IL4I1: variants seen among roughly 807,000 people sequenced by gnomAD.
The protein encoded by IL4I1 is interleukin 4 induced 1.
In IL4I1, 24 loss-of-function variants were observed where a neutral mutation model predicts 29.7. The observed-to-expected ratio is 0.81, with a 90% CI of 0.59 to 1.14. The LOEUF (loss-of-function observed/expected upper bound fraction) is 1.14. IL4I1 is among the 50% of genes most tolerant of loss of function. IL4I1 has a pLI of 0.00. For missense variants in IL4I1, 686 were observed against 785.6 expected, an observed-to-expected ratio of 0.87 and a Z score of 1.52; for synonymous variants, 371 against 352.5, an observed-to-expected ratio of 1.05 and a Z score of -0.59.
intron 2 of IL4I1, among the ~76,000 whole-genome samples, chr19:49,923,086 CA>C (rs1432004306): frequency 6.6e-6 from 1 of 150,828 alleles, no homozygotes; most frequent in African/African-American, 2.4e-5. Flanking sequence ...TTTTTTTTTG[CA>C]TAAGAGCTGT....
At chr19:49,916,891 A>G (rs2075638538) in intron 2 of IL4I1, among the ~76,000 whole-genome samples, 1 of 152,238 alleles carries the variant, frequency 6.6e-6, no homozygotes, top group Admixed American at 6.5e-5. Flanking sequence ...ACCATACTTC[A>G]GCCTGGGCGG....
chr19:49,914,726 GTTTTT>G (rs530372497), intron 2 of IL4I1, among the ~76,000 whole-genome samples: 17 of 56,354 alleles, frequency 3.0e-4, no homozygotes, highest in South Asian at 8.5e-4. Flanking sequence ...CCAAGTCCCA[GTTTTT>G]TTTTTTTTTT....
rs2075188127 is a variant in IL4I1, at chr19:49,895,053, G to A, written c.365+15C>T. 4 of 1,594,924 alleles carry A rather than the reference G, an allele frequency of 2.5e-6. No individual in the cohort carries two copies. The highest frequency in any genetic ancestry group is 2.6e-6 in the Non-Finnish European group (3 of 1,163,388). ...GTTGAGTCTAGGCACACAGGTGGGT[G>A]GGTTGCTAGGTCACCTGTGAGAGCT... On this transcript the variant is annotated intron_variant, in intron 4 of 7. Coordinates refer to ENST00000391826, the MANE Select transcript of IL4I1 (RefSeq NM_152899.2).
chr19:49,913,457 C>T lies in IL4I1; in HGVS notation c.-227-9136G>A, dbSNP rs77973470. 8.3e-3 allele frequency among the ~76,000 whole-genome samples: 1,258 copies of T among 152,278 alleles called. 6 individuals are homozygous for T. The highest frequency in any genetic ancestry group is 0.011 in the Admixed American group (161 of 15,288). Reference sequence around the variant, plus strand: ...GGCTTTGGGTCATACAGTATCAGCACGACCTCTGGAGGGGCTGGAGTCAGC... The same window carrying T: ...GGCTTTGGGTCATACAGTATCAGCATGACCTCTGGAGGGGCTGGAGTCAGC... On this transcript the variant is annotated intron_variant, in intron 2 of 9. Transcript: ENST00000341114.
chr19:49,910,450 C>T (rs922698272), intron 2 of IL4I1, among the ~76,000 whole-genome samples: 6 of 152,142 alleles, frequency 3.9e-5, no homozygotes, highest in African/African-American at 1.2e-4. Context: ...ACTGGAACTC[C>T]TCCTCCTAAC....
chr19:49,890,929 G>GGCGC, intron 7 of IL4I1, 42 bp downstream of exon 7: 1 of 454,450 alleles, frequency 2.2e-6, no homozygotes, highest in Non-Finnish European at 3.5e-6. Flanking sequence ...TTCCCTGATT[G>GGCGC]CCCCCCGCCC....
chr19:49,908,185 C>A (rs45540835), intron 2 of IL4I1: 1 of 1,597,402 alleles, frequency 6.3e-7, no homozygotes, highest in South Asian at 1.1e-5. Flanking sequence ...GACAACAGGG[C>A]GCATTCCCCT....
intron 2 of IL4I1, among the ~76,000 whole-genome samples, chr19:49,924,435 C>T (rs575203764): frequency 6.6e-6 from 1 of 152,234 alleles, no homozygotes; most frequent in African/African-American, 2.4e-5. Flanking sequence ...GTGCTGGGGT[C>T]CCCAGAGAAT....
At chr19:49,895,591 C>G (rs1015898748) in intron 3 of IL4I1, among the ~76,000 whole-genome samples, 3 of 152,200 alleles carry the variant, frequency 2.0e-5, no homozygotes, top group Admixed American at 6.5e-5. Flanking sequence ...TGAGACTTCC[C>G]TCTGGGATGA....
chr19:49,892,888 G>A (rs1321275963), intron 5 of IL4I1, among the ~76,000 whole-genome samples: 2 of 152,196 alleles, frequency 1.3e-5, no homozygotes, highest in African/African-American at 4.8e-5. Flanking sequence ...GGTGTGGCCA[G>A]TTCCTCCCTA....
rs1052260150 is a variant in IL4I1, at chr19:49,889,820, C to T, written c.1554G>A (p.Glu518=). 6.4e-7 allele frequency: 1 copy of T among 1,559,520 alleles called. No individual in the cohort carries two copies. Among genetic ancestry groups the T allele is most frequent in the Non-Finnish European group, 8.7e-7 (1 of 1,152,164 alleles). ...KGPASDTASP[E]GHASDMEGQG... ...GCCCCTCCATGTCAGATGCGTGCCCCTCGGGGCTGGCCGTGTCCGATGCAG... is the reference window on the plus strand; with the variant it reads ...GCCCCTCCATGTCAGATGCGTGCCCTTCGGGGCTGGCCGTGTCCGATGCAG... The change falls in exon 8 of 8, where the codon GAG becomes GAA. Residue 518 remains glutamate (E), a synonymous_variant. Transcript: ENST00000391826.
chr19:49,900,706 G>A (rs1389654070), upstream of IL4I1, among the ~76,000 whole-genome samples: 2 of 151,222 alleles, frequency 1.3e-5, no homozygotes, highest in African/African-American at 4.9e-5. Flanking sequence ...AGGAGGGAGG[G>A]GAGGGGCAGG....
chr19:49,910,405 G>A (rs968070306), intron 2 of IL4I1, among the ~76,000 whole-genome samples: 2 of 152,160 alleles, frequency 1.3e-5, no homozygotes, highest in East Asian at 3.9e-4. Flanking sequence ...GGCCCCCCAG[G>A]CCCACACCTG....
intron 2 of IL4I1, among the ~76,000 whole-genome samples, chr19:49,917,068 A>G (rs1196373443): frequency 1.3e-5 from 2 of 152,228 alleles, no homozygotes; most frequent in Non-Finnish European, 2.9e-5. Context: ...CCCTTTCCCC[A>G]TGGAATTCGT....
intron 2 of IL4I1, among the ~76,000 whole-genome samples, chr19:49,912,267 T>A (rs949425986): frequency 6.6e-6 from 1 of 151,152 alleles, no homozygotes; most frequent in Non-Finnish European, 1.5e-5. Flanking sequence ...CTTCCCGGGT[T>A]CAAGCGATTC....
upstream of IL4I1, chr19:49,901,698 C>T: frequency 6.5e-7 from 1 of 1,535,058 alleles, no homozygotes; most frequent in Non-Finnish European, 8.8e-7. Flanking sequence ...TAGCCCAGGA[C>T]AGAAGTCATC....
chr19:49,918,246 G>A (rs541267031), intron 2 of IL4I1, among the ~76,000 whole-genome samples: 1 of 152,002 alleles, frequency 6.6e-6, no homozygotes, highest in Admixed American at 6.6e-5. Context: ...TCGATTTTTT[G>A]TAGAGATGGG....
intron 2 of IL4I1, among the ~76,000 whole-genome samples, chr19:49,919,319 G>T (rs1283610312): frequency 8.5e-5 from 13 of 152,196 alleles, no homozygotes; most frequent in Admixed American, 8.5e-4. Context: ...GAGACTTGCT[G>T]TGCGTTTAAA....
intron 3 of IL4I1, among the ~76,000 whole-genome samples, chr19:49,903,047 A>G (rs2075284694): frequency 7.2e-5 from 11 of 151,758 alleles, no homozygotes; most frequent in Admixed American, 5.9e-4. Context: ...CCCGGGAGGC[A>G]GAGATTGCAG....
Sources: gnomAD v4.1 joint callset for allele counts (sites outside exome capture counted in the v4.1 genomes callset) on GRCh38, gnomAD v4.1.1 for gene constraint, MANE v1.5 for transcripts, NCBI Gene and HGNC (gene_info 2026-07-23, HGNC 2026-07-21) for gene names.